Variants in KLHL1 observed in about 807,000 individuals in gnomAD.
The protein encoded by KLHL1 is kelch-like protein 1.
In KLHL1, 47 loss-of-function variants were observed where a neutral mutation model predicts 77.7. The observed-to-expected ratio is 0.60, with a 90% CI of 0.48 to 0.77. The LOEUF (loss-of-function observed/expected upper bound fraction) is 0.77, where lower values mean the gene tolerates loss of function less well. KLHL1 is among the 30% of genes least tolerant of loss of function. The probability of loss-of-function intolerance (pLI) is 0.00; values close to 1 mark genes in which losing one functional copy is unlikely to be tolerated. For missense variants in KLHL1, 925 were observed against 910.8 expected (o/e 1.02, Z -0.20); for synonymous variants, 360 against 325.2 (o/e 1.11, Z -1.15).
intron 3 of KLHL1, among the ~76,000 whole-genome samples, chr13:69,954,800 T>TACACACAC (rs34668618): frequency 2.6e-4 from 39 of 149,578 alleles, no homozygotes; most frequent in East Asian, 2.2e-3. Flanking sequence ...CTAAATGTTT[T>TACACACAC]ACACACACAC....
At chr13:69,764,443 T>A (rs916117643) in intron 7 of KLHL1, among the ~76,000 whole-genome samples, 4 of 152,166 alleles carry the variant, frequency 2.6e-5, no homozygotes, top group Admixed American at 2.0e-4. Context: ...ACTCTTAAGG[T>A]TTTTGTCTTC....
At chr13:70,092,372 AT>A (rs1364896680) in intron 1 of KLHL1, among the ~76,000 whole-genome samples, 1 of 152,082 alleles carries the variant, frequency 6.6e-6, no homozygotes, top group African/African-American at 2.4e-5. Flanking sequence ...TGCTTACTCC[AT>A]TTAGAACGTT....
chr13:69,860,930 C>G (rs1880131109), intron 5 of KLHL1, among the ~76,000 whole-genome samples: 1 of 151,746 alleles, frequency 6.6e-6, no homozygotes, highest in Admixed American at 6.6e-5. Context: ...AGCTAACTTT[C>G]CATGTAAAAT....
intron 7 of KLHL1, among the ~76,000 whole-genome samples, chr13:69,787,257 C>G (rs979078680): frequency 1.3e-5 from 2 of 152,150 alleles, no homozygotes; most frequent in African/African-American, 4.8e-5. Context: ...TGACTTCAAA[C>G]TATACTACAA....
intron 1 of KLHL1, among the ~76,000 whole-genome samples, chr13:70,031,123 A>C (rs4053597): frequency 3.9e-5 from 1 of 25,920 alleles, no homozygotes; most frequent in African/African-American, 6.5e-5. Context: ...ACCAAAAAAA[A>C]ACCCAGATGT....
At chr13:70,001,273 TAA>T (rs2137325665) in intron 1 of KLHL1, among the ~76,000 whole-genome samples, 1 of 151,228 alleles carries the variant, frequency 6.6e-6, no homozygotes, top group African/African-American at 2.4e-5. Context: ...ATTTACCTTA[TAA>T]AAATAACAAT....
rs186501865 is a variant in KLHL1 at position 69,863,509 on chromosome 13, T to A, written c.1227+18774A>T. 5.3e-4 allele frequency among the ~76,000 whole-genome samples: 80 copies of A among 151,934 alleles called. 4 individuals carry two copies. The East Asian group carries it at 0.014, about 27-fold the overall frequency. On this transcript the variant is annotated intron_variant, in intron 5 of 10. Transcript: ENST00000377844. ...AAAAAAAACATAAGAAATAAAAAAA[T>A]TTTGCATTTTTCATGATTGGTAAAA...
intron 1 of KLHL1, among the ~76,000 whole-genome samples, chr13:70,006,860 T>C (rs1028232583): frequency 2.0e-5 from 3 of 152,092 alleles, no homozygotes; most frequent in African/African-American, 7.2e-5. Flanking sequence ...ATATGTTTTC[T>C]TAATTAGAAA....
rs59302694 is a variant in KLHL1, at chr13:69,757,957, C to CAA, written c.1640-17403_1640-17402dup. On this transcript the variant is annotated intron_variant, in intron 7 of 10. Coordinates refer to ENST00000377844, the MANE Select transcript of KLHL1 (RefSeq NM_020866.3). ...GAGTAACAAGAGCGAAACTCCATCT[C>CAA]AAAAAAAAAAAAAAAAAAAAAAAAA... 2.6e-4 allele frequency among the ~76,000 whole-genome samples: 19 copies of CAA among 73,092 alleles called. 1 individual carries two copies. The East Asian group carries it at 2.7e-3, about 11-fold the overall frequency. The allele number at this position is 73,092 out of a possible 152,430, so 48.0% of individuals were successfully genotyped here.
intron 1 of KLHL1, among the ~76,000 whole-genome samples, chr13:69,984,384 T>C (rs1286426566): frequency 2.0e-5 from 3 of 152,142 alleles, no homozygotes; most frequent in Non-Finnish European, 2.9e-5. Context: ...GCCAGGCATG[T>C]TCAACATGGC....
At chr13:70,073,329 G>T (rs968526232) in intron 1 of KLHL1, among the ~76,000 whole-genome samples, 3 of 152,030 alleles carry the variant, frequency 2.0e-5, no homozygotes, top group African/African-American at 7.3e-5. Flanking sequence ...AACACCACAT[G>T]TTCTCACTCA....
At chr13:69,710,366 G>T (rs1357242785) in intron 9 of KLHL1, among the ~76,000 whole-genome samples, 1 of 151,890 alleles carries the variant, frequency 6.6e-6, no homozygotes, top group Non-Finnish European at 1.5e-5. Flanking sequence ...AATTAGATGT[G>T]CCTGTTTTCA....
At chr13:69,789,613 T>G (rs117306163) in intron 7 of KLHL1, among the ~76,000 whole-genome samples, 1 of 152,156 alleles carries the variant, frequency 6.6e-6, no homozygotes, top group African/African-American at 2.4e-5. Context: ...AATGAACAAA[T>G]GACCATTTTT....
At chr13:69,853,807 G>A (rs1879787023) in intron 5 of KLHL1, among the ~76,000 whole-genome samples, 1 of 151,802 alleles carries the variant, frequency 6.6e-6, no homozygotes, top group African/African-American at 2.4e-5. Context: ...TTTCATTTTT[G>A]CATCCATATT....
chr13:69,710,933 T>TTA (rs1226619509), intron 9 of KLHL1, among the ~76,000 whole-genome samples: 6 of 152,024 alleles, frequency 3.9e-5, no homozygotes, highest in African/African-American at 1.4e-4. Flanking sequence ...GAGACTCTAT[T>TTA]AAGGTTTATA....
intron 3 of KLHL1, among the ~76,000 whole-genome samples, chr13:69,955,071 A>C (rs770601000): frequency 6.6e-6 from 1 of 151,204 alleles, no homozygotes; most frequent in East Asian, 1.9e-4. Context: ...AGAATTTTCC[A>C]TCTAGTAAAA....
intron 1 of KLHL1, among the ~76,000 whole-genome samples, chr13:70,106,227 A>C (rs1482684336): frequency 6.6e-6 from 1 of 151,972 alleles, no homozygotes; most frequent in Admixed American, 6.6e-5. Flanking sequence ...GTAGTAATTA[A>C]AATTTCTTAA....
intron 6 of KLHL1, among the ~76,000 whole-genome samples, chr13:69,805,244 G>T (rs996530605): frequency 1.3e-5 from 2 of 151,770 alleles, no homozygotes; most frequent in African/African-American, 4.8e-5. Context: ...AGAGTGATAT[G>T]TAGCTATGTA....
At chr13:69,796,684 T>C in intron 7 of KLHL1, 54 bp downstream of exon 7, 1 of 1,239,206 alleles carries the variant, frequency 8.1e-7, no homozygotes, top group South Asian at 1.3e-5. Flanking sequence ...TATCATATAG[T>C]TACATTATCA....
Sources: allele counts gnomAD v4.1 joint callset (sites outside exome capture counted in the v4.1 genomes callset), GRCh38; gene constraint gnomAD v4.1.1; transcripts MANE v1.5; gene names NCBI Gene and HGNC (gene_info 2026-07-23, HGNC 2026-07-21).